The following APBB2 variants were observed in gnomAD, a reference collection of about 807,000 sequenced individuals.
The protein encoded by APBB2 is Fe65-like 1.
A neutral mutation model predicts 82.5 loss-of-function variants in APBB2; 38 were observed. That is an observed-to-expected ratio of 0.46 (90% confidence interval 0.36 to 0.60). APBB2 has a LOEUF of 0.60. APBB2 is among the 20% of genes least tolerant of loss of function. The pLI, the probability that APBB2 is intolerant of heterozygous loss-of-function variation, is 0.00. For synonymous variants in APBB2, 341 were observed against 368.2 expected (o/e 0.93, Z 0.85); for missense variants, 772 against 972.3 (o/e 0.79, Z 2.74).
At chr4:40,947,538 C>T (rs1788785034) in intron 6 of APBB2, among the ~76,000 whole-genome samples, 1 of 152,214 alleles carries the variant, frequency 6.6e-6, no homozygotes, top group East Asian at 1.9e-4. Context: ...TGCTGAATGG[C>T]ACGAATCAGA....
intron 6 of APBB2, among the ~76,000 whole-genome samples, chr4:40,980,158 G>A (rs901271571): frequency 9.2e-5 from 14 of 152,136 alleles, no homozygotes; most frequent in African/African-American, 3.1e-4. Flanking sequence ...GAGTAGTTGG[G>A]ACTACAGGCG....
chr4:40,996,605 T>G (rs1236489549), intron 6 of APBB2, among the ~76,000 whole-genome samples: 3 of 152,196 alleles, frequency 2.0e-5, no homozygotes, highest in African/African-American at 4.8e-5. Flanking sequence ...TCTCCAACAA[T>G]TAGCTCCTCC....
At chr4:41,004,028 A>AGCC (rs1354117209) in intron 6 of APBB2, among the ~76,000 whole-genome samples, 1 of 150,602 alleles carries the variant, frequency 6.6e-6, no homozygotes, top group Non-Finnish European at 1.5e-5. Context: ...TTGGATTTCT[A>AGCC]GCCTCCAGAA....
chr4:40,833,401 C>T (rs761146913), intron 12 of APBB2, among the ~76,000 whole-genome samples: 2 of 152,230 alleles, frequency 1.3e-5, no homozygotes, highest in African/African-American at 2.4e-5. Context: ...TCTTCCCTCA[C>T]GTGGTGGCCA....
intron 1 of APBB2, among the ~76,000 whole-genome samples, chr4:41,180,445 A>C (rs372736037): frequency 8.5e-5 from 13 of 152,278 alleles, no homozygotes; most frequent in South Asian, 6.2e-4. Context: ...TTTCTGCAAA[A>C]AAACAAACAA....
chr4:41,017,242 A>C (rs1441578418), intron 5 of APBB2, among the ~76,000 whole-genome samples: 1 of 152,198 alleles, frequency 6.6e-6, no homozygotes, highest in Admixed American at 6.5e-5. Flanking sequence ...CAGTTTGAGT[A>C]ATATCTTAGA....
chr4:41,210,910 CA>C (rs1779153301), intron 1 of APBB2, among the ~76,000 whole-genome samples: 1 of 152,174 alleles, frequency 6.6e-6, no homozygotes, highest in African/African-American at 2.4e-5. Flanking sequence ...TAGATGCTTA[CA>C]GCATAAGATG....
At chr4:40,819,138 C>T (rs1262954211) in intron 17 of APBB2, among the ~76,000 whole-genome samples, 1 of 150,806 alleles carries the variant, frequency 6.6e-6, no homozygotes, top group East Asian at 1.9e-4. Context: ...AAAGGTCTCT[C>T]TAACTAATTC....
intron 2 of APBB2, among the ~76,000 whole-genome samples, chr4:41,111,055 C>G (rs186984284): frequency 1.3e-5 from 2 of 152,310 alleles, no homozygotes; most frequent in East Asian, 3.9e-4. Flanking sequence ...ATTCTCATAA[C>G]GAGTGGGCAA....
chr4:40,937,280 C>G (rs538014364), intron 7 of APBB2, among the ~76,000 whole-genome samples: 1 of 152,160 alleles, frequency 6.6e-6, no homozygotes, highest in African/African-American at 2.4e-5. Context: ...CCAAGGGACC[C>G]TATATGTTGA....
At chr4:41,110,045 A>G (rs553511333) in intron 2 of APBB2, among the ~76,000 whole-genome samples, 1 of 152,186 alleles carries the variant, frequency 6.6e-6, no homozygotes, top group Non-Finnish European at 1.5e-5. Context: ...GGTAATACTC[A>G]TAACTTATGA....
chr4:41,175,904 G>A (rs918125745), intron 1 of APBB2, among the ~76,000 whole-genome samples: 3 of 152,132 alleles, frequency 2.0e-5, no homozygotes, highest in African/African-American at 7.2e-5. Flanking sequence ...AACCTAAACT[G>A]AAAACTGTGT....
intron 6 of APBB2, among the ~76,000 whole-genome samples, chr4:40,970,038 G>A (rs138712203): frequency 6.6e-5 from 10 of 152,198 alleles, no homozygotes; most frequent in East Asian, 1.9e-4. Context: ...ACCTGCCTAC[G>A]TCAGAGGGGA....
rs1402755405 is a variant in APBB2, at chr4:40,813,250, A to G, written c.*2842T>C. Reference sequence around the variant, plus strand: ...CACTGGGAGATAATATCCAGGAAAGATAATACATTAACACAATAATGCAGT... The same window carrying G: ...CACTGGGAGATAATATCCAGGAAAGGTAATACATTAACACAATAATGCAGT... On this transcript the variant is annotated 3_prime_UTR_variant, in exon 18 of 18. Coordinates refer to ENST00000508593, the MANE Select transcript of APBB2 (RefSeq NM_004307.2). 4.6e-5 allele frequency: 7 copies of G among 152,386 alleles called. No individual in the cohort carries two copies. In the East Asian group the frequency reaches 1.3e-3, roughly 29 times the overall value. 9.4% of individuals were successfully genotyped at this position (152,386 alleles called of 1,614,324 possible).
intron 10 of APBB2, among the ~76,000 whole-genome samples, chr4:40,933,217 T>C (rs373962767): frequency 2.6e-5 from 4 of 152,166 alleles, no homozygotes; most frequent in Admixed American, 6.5e-5. Context: ...GGCATGGGGA[T>C]ACTTGTAAGT....
chr4:41,059,630 T>G (rs1249052909), intron 4 of APBB2, among the ~76,000 whole-genome samples: 1 of 152,284 alleles, frequency 6.6e-6, no homozygotes, highest in Non-Finnish European at 1.5e-5. Flanking sequence ...ATGTTCCTGC[T>G]GCAGTTAACT....
chr4:41,184,322 T>G (rs1772279519), intron 1 of APBB2, among the ~76,000 whole-genome samples: 1 of 152,136 alleles, frequency 6.6e-6, no homozygotes, highest in Admixed American at 6.5e-5. Flanking sequence ...TTATAGTAGT[T>G]TGTTACAGCA....
At chr4:41,190,145 A>T (rs1774001275) in intron 1 of APBB2, among the ~76,000 whole-genome samples, 1 of 152,094 alleles carries the variant, frequency 6.6e-6, no homozygotes, top group Non-Finnish European at 1.5e-5. Context: ...AAGAAATAAA[A>T]ATGTCCCATA....
At chr4:40,948,128 G>A (rs1186290618) in intron 6 of APBB2, among the ~76,000 whole-genome samples, 1 of 152,174 alleles carries the variant, frequency 6.6e-6, no homozygotes, top group African/African-American at 2.4e-5. Flanking sequence ...GAAGAGTACT[G>A]GGCTGGAGAC....
Sources: allele counts gnomAD v4.1 joint callset (sites outside exome capture counted in the v4.1 genomes callset), GRCh38; gene constraint gnomAD v4.1.1; transcripts MANE v1.5; gene names NCBI Gene and HGNC (gene_info 2026-07-23, HGNC 2026-07-21).